Variants in PRKCQ observed in about 807,000 individuals in gnomAD.
PRKCQ encodes protein kinase C theta type.
Under a neutral mutation model 91.2 loss-of-function variants are expected in PRKCQ, and 41 were observed. That is an observed-to-expected ratio of 0.45 (90% CI 0.35 to 0.58). The LOEUF is 0.58. PRKCQ is among the 20% of genes least tolerant of loss of function. PRKCQ has a pLI of 0.00. For synonymous variants in PRKCQ, 307 were observed against 316.9 expected (o/e 0.97, Z 0.33); for missense variants, 673 against 896.5 (o/e 0.75, Z 3.18).
chr10:6,437,217 T>G (rs752100103), intron 16 of PRKCQ, among the ~76,000 whole-genome samples: 1 of 152,194 alleles, frequency 6.6e-6, no homozygotes, highest in Non-Finnish European at 1.5e-5. Context: ...TAACCCACAA[T>G]GTAACTGTAG....
At chr10:6,509,678 G>A (rs1252675809) in intron 3 of PRKCQ, among the ~76,000 whole-genome samples, 1 of 152,118 alleles carries the variant, frequency 6.6e-6, no homozygotes, top group African/African-American at 2.4e-5. Context: ...CAAAGTGCTG[G>A]GATTACAGGC....
chr10:6,409,750 T>A, the PRKCQ span, among the ~76,000 whole-genome samples: 628 of 152,272 alleles, frequency 4.1e-3, no homozygotes, highest in Non-Finnish European at 7.5e-3. Context: ...TTTTTATAGC[T>A]TGGAGGAGAT....
rs1837677089 is a variant in PRKCQ at position 6,497,349 on chromosome 10, C to G, written c.543-98G>C. The G allele has an allele frequency of 2.1e-6, 3 of 1,401,472 alleles. No homozygotes were observed. Among genetic ancestry groups the G allele is most frequent in the Non-Finnish European group, 3.0e-6 (3 of 990,346 alleles). 86.8% of individuals were successfully genotyped at this position (1,401,472 alleles called of 1,614,324 possible). On this transcript the variant is annotated intron_variant, in intron 5 of 17. Coordinates refer to ENST00000263125, the MANE Select transcript of PRKCQ (RefSeq NM_006257.5). This position sits in a 1 kb window ranked among gnomAD's most constrained non-coding sequence, Gnocchi z 4.5. ...ATGAGATCTCATAACCCCCTAAGAT[C>G]ACAGAGCAGTTTCTGATCAGCAGCC...
intron 1 of PRKCQ, among the ~76,000 whole-genome samples, chr10:6,517,641 A>G (rs1722983305): frequency 9.3e-6 from 1 of 107,392 alleles, no homozygotes; most frequent in South Asian, 3.2e-4. Context: ...TCCCAGATTT[A>G]GGGATACTGC....
chr10:6,532,844 T>C (rs1177344301), intron 1 of PRKCQ, among the ~76,000 whole-genome samples: 1 of 152,214 alleles, frequency 6.6e-6, no homozygotes, highest in African/African-American at 2.4e-5. Flanking sequence ...ATTTATTTCT[T>C]CACTGGCCCT....
intron 15 of PRKCQ, among the ~76,000 whole-genome samples, chr10:6,453,352 A>T (rs78076846): frequency 0.068 from 10,375 of 152,258 alleles, 698 homozygotes; most frequent in East Asian, 0.37. Context: ...GAGAAATGCA[A>T]TTCAAAACCA....
the PRKCQ span, among the ~76,000 whole-genome samples, chr10:6,395,187 C>T: frequency 6.6e-6 from 1 of 151,690 alleles, no homozygotes; most frequent in Non-Finnish European, 1.5e-5. Context: ...CTTCAGCCTC[C>T]CGAGTAGCTG....
intron 4 of PRKCQ, among the ~76,000 whole-genome samples, chr10:6,502,677 GA>G (rs1286025350): frequency 6.6e-6 from 1 of 152,154 alleles, no homozygotes; most frequent in Non-Finnish European, 1.5e-5. Context: ...AGGTAGTAAT[GA>G]TGTAATTAGA....
chr10:6,493,360 T>C lies in PRKCQ; in HGVS notation c.661-1548A>G, dbSNP rs117177300. ...ACAGATTGGATTAAATAAAATGTAT[T>C]ATTAAAATTAATTTCACCCATTGCT... On this transcript the variant is annotated intron_variant, in intron 7 of 17. Coordinates refer to ENST00000263125, the MANE Select transcript of PRKCQ (RefSeq NM_006257.5). Among the ~76,000 whole-genome samples the C allele has an allele frequency of 1.3e-4, 20 of 152,346 alleles. No homozygotes were observed. The East Asian group carries it at 3.9e-3, about 29-fold the overall frequency.
chr10:6,554,171 G>A (rs1333604747), intron 1 of PRKCQ, among the ~76,000 whole-genome samples: 3 of 152,110 alleles, frequency 2.0e-5, no homozygotes, highest in Non-Finnish European at 4.4e-5. Flanking sequence ...TGAAACCCAC[G>A]ACCGTCAGGA....
chr10:6,523,292 CT>C (rs1207822079), intron 1 of PRKCQ, among the ~76,000 whole-genome samples: 5 of 151,836 alleles, frequency 3.3e-5, no homozygotes, highest in Admixed American at 2.0e-4. Flanking sequence ...TCTATTTTTT[CT>C]TTTTTTAATT....
At position 6,497,394 on chromosome 10, in the gene PRKCQ, G is replaced by C. The variant is rs1188577548; in HGVS notation, c.543-143C>G. On this transcript the variant is annotated intron_variant, in intron 5 of 17. Transcript: ENST00000263125. This position sits in a 1 kb window ranked among gnomAD's most constrained non-coding sequence, Gnocchi z 4.5. ...GCAGCCCTGTTGTATCATTTGCCAA[G>C]AGTATTAACAGAGTGTTTTTCATTT... The C allele has an allele frequency of 1.8e-5, 17 of 964,400 alleles. No individual in the cohort carries two copies. The highest frequency in any genetic ancestry group is 2.8e-5 in the Non-Finnish European group (17 of 616,184). 59.7% of individuals were successfully genotyped at this position (964,400 alleles called of 1,614,324 possible). A position where few individuals can be genotyped will look rare whatever the true frequency, so the allele number is the denominator to read the frequency against.
At chr10:6,570,556 T>C (rs1280000061) in intron 1 of PRKCQ, among the ~76,000 whole-genome samples, 6 of 146,566 alleles carry the variant, frequency 4.1e-5, no homozygotes, top group African/African-American at 1.5e-4. Context: ...GGGGCTTCTT[T>C]TTTTTTTTTT....
rs1418508150 is a variant in PRKCQ at position 6,436,215 on chromosome 10, C to T, written c.1837-5277G>A. ...TATTCAACCAAATTTATTTTCTTCT[C>T]TTGTGGCAACTCTTTCTCTTGCCAC... is the stretch of plus-strand genomic sequence containing the variant. On this transcript the variant is annotated intron_variant, in intron 16 of 17. Coordinates refer to ENST00000263125, the MANE Select transcript of PRKCQ (RefSeq NM_006257.5). 5.3e-5 allele frequency among the ~76,000 whole-genome samples: 8 copies of T among 152,346 alleles called. No individual in the cohort carries two copies. The East Asian group carries it at 1.4e-3, about 26-fold the overall frequency.
chr10:6,410,854 G>C, the PRKCQ span, among the ~76,000 whole-genome samples: 1 of 151,952 alleles, frequency 6.6e-6, no homozygotes, highest in African/African-American at 2.4e-5. Context: ...GTGGTGGCGG[G>C]TGCCTGTAAT....
At chr10:6,511,221 T>TA (rs1485580996) in intron 2 of PRKCQ, 27 bp from the exon 3 acceptor site, 1 of 1,604,310 alleles carries the variant, frequency 6.2e-7, no homozygotes, top group African/African-American at 1.3e-5. Context: ...AAGGTCTCAT[T>TA]ATTCCTTCAG....
chr10:6,521,001 T>G (rs1220978916), intron 1 of PRKCQ, among the ~76,000 whole-genome samples: 1 of 152,174 alleles, frequency 6.6e-6, no homozygotes, highest in East Asian at 1.9e-4. Flanking sequence ...TCATCCCCAG[T>G]GAAGATAAAC....
At chr10:6,442,968 CA>C (rs749300902) in intron 15 of PRKCQ, among the ~76,000 whole-genome samples, 2 of 151,600 alleles carry the variant, frequency 1.3e-5, no homozygotes, top group Admixed American at 6.6e-5. Flanking sequence ...ATCTCAAAAA[CA>C]AAAAAAACCC....
At chr10:6,569,006 A>G (rs943376095) in intron 1 of PRKCQ, among the ~76,000 whole-genome samples, 1 of 152,140 alleles carries the variant, frequency 6.6e-6, no homozygotes, top group Admixed American at 6.5e-5. Flanking sequence ...CACAGGCAAA[A>G]TCTTCCAAGA....
Sources: gnomAD v4.1 joint callset for allele counts (sites outside exome capture counted in the v4.1 genomes callset) on GRCh38, gnomAD v4.1.1 for gene constraint, Gnocchi (gnomAD v3.1) non-coding constraint, MANE v1.5 for transcripts, NCBI Gene and HGNC (gene_info 2026-07-23, HGNC 2026-07-21) for gene names.